Variants in ANOS1 observed in about 807,000 individuals in gnomAD.
The protein encoded by ANOS1 is anosmin-1.
A neutral mutation model predicts 59.0 loss-of-function variants in ANOS1; 6 were observed. That is an observed-to-expected ratio of 0.10 (90% CI 0.06 to 0.20). The LOEUF is 0.20. Among genes scored for constraint, ANOS1 ranks in the 10% least tolerant of loss-of-function variants. The pLI, the probability that ANOS1 is intolerant of heterozygous loss-of-function variation, is 1.00. For missense variants in ANOS1, 433 were observed against 542.3 expected (o/e 0.80, Z 2.00); for synonymous variants, 217 against 223.4 (o/e 0.97, Z 0.25).
intron 10 of ANOS1, among the ~76,000 whole-genome samples, chrX:8,537,764 G>A (rs1159779903): frequency 1.2e-5 from 1 of 83,011 alleles, no homozygotes; most frequent in Non-Finnish European, 2.5e-5. Context: ...GTGTGTGTGT[G>A]TGTGTGTGTG....
rs1484650721 is a variant in ANOS1, at chrX:8,530,601, T to A, written c.*2394A>T. 1 of 110,553 alleles carries A rather than the reference T, an allele frequency of 9.0e-6. No individual in the cohort carries two copies. The highest frequency in any genetic ancestry group is 1.9e-5 in the Non-Finnish European group (1 of 52,862). The allele number at this position is 110,553 out of a possible 1,213,427, so 9.1% of individuals were successfully genotyped here. A position where few individuals can be genotyped will look rare whatever the true frequency, so the allele number is the denominator to read the frequency against. The stretch of plus-strand genomic sequence containing the variant: ...ATTAAAATTAGAAGCCCATAAGAGC[T>A]GCTTTAGATTTTTTTAAGGGAGATG... On this transcript the variant is annotated 3_prime_UTR_variant, in exon 14 of 14. Transcript: ENST00000262648.
At chrX:8,642,468 T>G (rs2146858298) in intron 2 of ANOS1, among the ~76,000 whole-genome samples, 1 of 110,464 alleles carries the variant, frequency 9.1e-6, no homozygotes, top group Non-Finnish European at 1.9e-5. Context: ...TATAAATACA[T>G]GAAAAACCAA....
intron 2 of ANOS1, among the ~76,000 whole-genome samples, chrX:8,697,034 A>G (rs1932694095): frequency 8.9e-6 from 1 of 112,090 alleles, no homozygotes; most frequent in Admixed American, 9.5e-5. Flanking sequence ...TACAGTTAAA[A>G]TGTTTTCTTC....
chrX:8,689,846 C>T (rs1932580442), intron 2 of ANOS1, among the ~76,000 whole-genome samples: 1 of 110,348 alleles, frequency 9.1e-6, no homozygotes, highest in South Asian at 3.8e-4. Context: ...AACGCCAAGG[C>T]TACTTATAAT....
chrX:8,625,482 C>CT (rs1218842188), intron 2 of ANOS1, among the ~76,000 whole-genome samples: 1 of 112,349 alleles, frequency 8.9e-6, no homozygotes, highest in Non-Finnish European at 1.9e-5. Context: ...CTTTTGCACT[C>CT]TGTTTTCTAG....
rs1602044704 is a variant in ANOS1 at position 8,722,730 on chromosome X, C to T, written c.207+9100G>A. 4.5e-5 allele frequency among the ~76,000 whole-genome samples: 5 copies of T among 112,002 alleles called. No homozygotes were observed. The South Asian group carries it at 1.9e-3, about 42-fold the overall frequency. On this transcript the variant is annotated intron_variant, in intron 1 of 13. Transcript: ENST00000262648. ...GACTTATTTTTCTCTGGGTAGATAT[C>T]CAGTAGTGGGATTGCTGGATCAAAT...
At chrX:8,676,090 T>C (rs1181684950) in intron 2 of ANOS1, among the ~76,000 whole-genome samples, 1 of 111,418 alleles carries the variant, frequency 9.0e-6, no homozygotes, top group Non-Finnish European at 1.9e-5. Context: ...ACATTTTCTT[T>C]ATCCGGTGTA....
intron 2 of ANOS1, among the ~76,000 whole-genome samples, chrX:8,657,144 A>G (rs1401859914): frequency 8.9e-6 from 1 of 112,595 alleles, no homozygotes; most frequent in Non-Finnish European, 1.9e-5. Context: ...AGCCTCAGTA[A>G]AAACTCTGGA....
intron 8 of ANOS1, among the ~76,000 whole-genome samples, chrX:8,559,310 T>C (rs1192002927): frequency 9.3e-6 from 1 of 108,044 alleles, no homozygotes; most frequent in East Asian, 3.0e-4. Context: ...CGAGAGTATG[T>C]TCACATGTTC....
In ANOS1 at chrX:8,718,342, G is replaced by A. The variant is rs768297003; in HGVS notation, c.207+13488C>T. ...CTCCCAAAGCACTGGGAATACAGGCGTGAGCTACCATGCCTGGCCCCAAAT... is the reference window on the plus strand; with the variant it reads ...CTCCCAAAGCACTGGGAATACAGGCATGAGCTACCATGCCTGGCCCCAAAT... On this transcript the variant is annotated intron_variant, in intron 1 of 13. Transcript: ENST00000262648. 5.4e-5 allele frequency among the ~76,000 whole-genome samples: 6 copies of A among 110,940 alleles called. 1 individual carries two copies. The South Asian group carries it at 2.3e-3, about 43-fold the overall frequency.
intron 4 of ANOS1, among the ~76,000 whole-genome samples, chrX:8,590,971 A>C (rs1930606007): frequency 8.9e-6 from 1 of 112,143 alleles, no homozygotes; most frequent in Non-Finnish European, 1.9e-5. Context: ...AAAGATAAAT[A>C]CCAGAAAATA....
intron 3 of ANOS1, among the ~76,000 whole-genome samples, chrX:8,621,152 G>A (rs1032241119): frequency 9.0e-6 from 1 of 110,699 alleles, no homozygotes; most frequent in African/African-American, 3.3e-5. Context: ...GATCACTTGA[G>A]GCCAAGAGTT....
chrX:8,554,047 A>G lies in ANOS1; in HGVS notation c.1259T>C (p.Phe420Ser), dbSNP rs150461205. ...RKGGIQTQLP[F>S]QRRRPTRPLE... ...CGGGCGAGTGGGTCGTCGTCTTTGAAAAGGGAGTTGTGTTTGAATTCCACC... is the reference window on the plus strand; with the variant it reads ...CGGGCGAGTGGGTCGTCGTCTTTGAGAAGGGAGTTGTGTTTGAATTCCACC... The change falls in exon 9 of 14, where the codon TTT becomes TCT. Residue 420 changes from phenylalanine to serine, a missense_variant. Transcript: ENST00000262648. 1 of 1,207,417 alleles carries G rather than the reference A, an allele frequency of 8.3e-7. No homozygotes were observed. Among genetic ancestry groups the G allele is most frequent in the Non-Finnish European group, 1.1e-6 (1 of 891,493 alleles).
intron 4 of ANOS1, among the ~76,000 whole-genome samples, chrX:8,593,343 C>T (rs1243432095): frequency 8.9e-6 from 1 of 111,768 alleles, no homozygotes; most frequent in Admixed American, 9.5e-5. Context: ...CAATACTTCT[C>T]CATCCAAGTG....
chrX:8,693,809 C>T (rs1000772154), intron 2 of ANOS1, among the ~76,000 whole-genome samples: 18 of 99,150 alleles, frequency 1.8e-4, no homozygotes, highest in Admixed American at 1.6e-3. Flanking sequence ...CTGCAAACTT[C>T]ACCTCCAGGG....
intron 2 of ANOS1, among the ~76,000 whole-genome samples, chrX:8,639,217 G>T (rs1450218728): frequency 9.0e-6 from 1 of 110,855 alleles, no homozygotes; most frequent in Non-Finnish European, 1.9e-5. Context: ...TCCACTTGGG[G>T]GGAGCTTAAA....
At chrX:8,657,755 C>T (rs960459716) in intron 2 of ANOS1, among the ~76,000 whole-genome samples, 1 of 111,685 alleles carries the variant, frequency 9.0e-6, no homozygotes, top group South Asian at 3.7e-4. Context: ...GCATGAGCCA[C>T]CGCACCCAGC....
intron 1 of ANOS1, among the ~76,000 whole-genome samples, chrX:8,712,017 A>G (rs1932815462): frequency 8.9e-6 from 1 of 112,688 alleles, no homozygotes; most frequent in African/African-American, 3.2e-5. Flanking sequence ...GAAATATATG[A>G]CTTTGTTTCC....
At chrX:8,610,814 T>C (rs1028470963) in intron 3 of ANOS1, among the ~76,000 whole-genome samples, 1 of 111,142 alleles carries the variant, frequency 9.0e-6, no homozygotes, top group Non-Finnish European at 1.9e-5. Context: ...AAGAAACTTT[T>C]AAAAATAAGA....
Sources: allele counts gnomAD v4.1 joint callset (sites outside exome capture counted in the v4.1 genomes callset), GRCh38; gene constraint gnomAD v4.1.1; transcripts MANE v1.5; gene names NCBI Gene and HGNC (gene_info 2026-07-23, HGNC 2026-07-21).